Variants in TMEM132E observed in about 807,000 individuals in gnomAD.
TMEM132E encodes transmembrane protein 132E.
Under a neutral mutation model 78.5 loss-of-function variants are expected in TMEM132E, and 49 were observed. The ratio of observed to expected loss-of-function variants is 0.62; its 90% CI spans 0.50 to 0.79. The LOEUF is 0.79. Among genes scored for constraint, TMEM132E ranks in the 30% least tolerant of loss-of-function variants. The pLI is 0.00. For missense variants in TMEM132E, 1,403 were observed against 1,470.9 expected (o/e 0.95, Z 0.75); for synonymous variants, 715 against 670.6 (o/e 1.07, Z -1.02).
chr17:34,610,200 T>C (rs1391273869), intron 1 of TMEM132E, among the ~76,000 whole-genome samples: 1 of 152,218 alleles, frequency 6.6e-6, no homozygotes, highest in East Asian at 1.9e-4. Context: ...TTTATGTACT[T>C]GTCTGATCTC....
chr17:34,613,216 C>T (rs1410630166), intron 1 of TMEM132E, among the ~76,000 whole-genome samples: 5 of 150,280 alleles, frequency 3.3e-5, no homozygotes, highest in South Asian at 2.1e-4. Flanking sequence ...CACACACGCG[C>T]GCGCGCGCGC....
At chr17:34,624,760 G>A (rs1295288368) in intron 1 of TMEM132E, among the ~76,000 whole-genome samples, 1 of 152,188 alleles carries the variant, frequency 6.6e-6, no homozygotes, top group Admixed American at 6.5e-5. Context: ...TACAAAGTGA[G>A]TTTGGATTTT....
intron 1 of TMEM132E, among the ~76,000 whole-genome samples, chr17:34,585,928 T>A (rs557613715): frequency 6.9e-4 from 105 of 152,336 alleles, no homozygotes; most frequent in African/African-American, 2.5e-3. Context: ...ATACAGGATA[T>A]CTGGGTTCAA....
chr17:34,626,585 G>A lies in TMEM132E; in HGVS notation c.526G>A (p.Val176Ile). The A allele has an allele frequency of 6.4e-7, 1 of 1,559,772 alleles. No homozygotes were observed. Among genetic ancestry groups the A allele is most frequent in the Non-Finnish European group, 8.6e-7 (1 of 1,158,066 alleles). ...RLHAFRDARE[V>I]KSSCRLSGGL... Reference sequence around the variant, plus strand: ...GCATGCCTTCCGGGATGCCCGGGAAGTCAAGAGCTCCTGCCGCCTCAGCGG... The same window carrying A: ...GCATGCCTTCCGGGATGCCCGGGAAATCAAGAGCTCCTGCCGCCTCAGCGG... Residue 176 changes from valine to isoleucine, a missense_variant, in exon 2 of 9, where the codon GTC becomes ATC. Val to Ile is a conservative substitution (Grantham distance 29). Transcript: ENST00000631683.
At position 34,629,305 on chromosome 17, in the gene TMEM132E, CAT is replaced by C. The variant is rs1491435446; in HGVS notation, c.1338+102_1338+103del. On this transcript the variant is annotated intron_variant, in intron 4 of 8. Transcript: ENST00000631683. Reference sequence around the variant, plus strand: ...ACCACTGAGTATATGTACAAATTGACATGTGTGTATATGTGAGACTTCCTGCC... The same window carrying C: ...ACCACTGAGTATATGTACAAATTGACGTGTGTATATGTGAGACTTCCTGCC... The C allele has an allele frequency of 1.7e-4, 227 of 1,328,560 alleles. 2 individuals are homozygous for C. The Admixed American group carries it at 4.5e-3, about 26-fold the overall frequency. The allele number at this position is 1,328,560 out of a possible 1,614,324, so 82.3% of individuals were successfully genotyped here.
At chr17:34,631,572 G>A (rs994850427) in intron 5 of TMEM132E, among the ~76,000 whole-genome samples, 5 of 152,226 alleles carry the variant, frequency 3.3e-5, no homozygotes, top group East Asian at 1.9e-4. Context: ...ACAGGTCTGC[G>A]TTGGAATTCT....
At position 34,626,838 on chromosome 17, in the gene TMEM132E, C is replaced by G. The variant is rs376311857; in HGVS notation, c.779C>G (p.Ala260Gly). 4 of 1,576,434 alleles carry G rather than the reference C, an allele frequency of 2.5e-6. No homozygotes were observed. Among genetic ancestry groups the G allele is most frequent in the South Asian group, 1.1e-5 (1 of 88,082 alleles). ...GCCGGGCCCGGGGTGGGGGCCCGAG[C>G]GGAAAGCCCTACCCAGCACCCCCTG... ...RGAGPGVGARAESPTQHPLLR... is the reference protein window; with the variant it reads ...RGAGPGVGARGESPTQHPLLR... Residue 260 changes from alanine to glycine, a missense_variant, in exon 2 of 9, where the codon GCG becomes GGG. Around this residue, in one of 3 missense-constraint regions of TMEM132E, gnomAD observed 511 missense variants for 499.0 expected, o/e 1.02. Transcript: ENST00000631683.
At chr17:34,629,875 G>A in intron 4 of TMEM132E, 133 bp from the exon 5 acceptor site, 1 of 1,058,188 alleles carries the variant, frequency 9.5e-7, no homozygotes, top group Non-Finnish European at 1.3e-6. Context: ...CTGCACACGG[G>A]TGCAAGTGTC....
intron 1 of TMEM132E, among the ~76,000 whole-genome samples, chr17:34,585,063 G>A (rs563723650): frequency 1.8e-4 from 28 of 152,302 alleles, no homozygotes; most frequent in South Asian, 6.2e-4. Context: ...CTTTATTGCC[G>A]GGCGTGAGGG....
rs541944701 is a variant in TMEM132E at position 34,637,084 on chromosome 17, C to T, written c.2170-93C>T. 65 of 1,112,568 alleles carry T rather than the reference C, an allele frequency of 5.8e-5. No individual in the cohort carries two copies. The South Asian group carries it at 7.5e-4, about 13-fold the overall frequency. 68.9% of individuals were successfully genotyped at this position (1,112,568 alleles called of 1,614,324 possible). A position where few individuals can be genotyped will look rare whatever the true frequency, so the allele number is the denominator to read the frequency against. Reference sequence around the variant, plus strand: ...AGAATACAGCAGGGAGCCAGAGACCCGTGGTCCCTGCCCCTACAGAGCCCA... The same window carrying T: ...AGAATACAGCAGGGAGCCAGAGACCTGTGGTCCCTGCCCCTACAGAGCCCA... On this transcript the variant is annotated intron_variant, in intron 8 of 8. Coordinates refer to ENST00000631683, the MANE Select transcript of TMEM132E (RefSeq NM_001304438.2).
intron 1 of TMEM132E, among the ~76,000 whole-genome samples, chr17:34,616,266 A>G (rs1476230992): frequency 6.6e-6 from 1 of 152,096 alleles, no homozygotes; most frequent in South Asian, 2.1e-4. Flanking sequence ...GCCCCTCCCC[A>G]CAGCTGACTT....
rs548914310 is a variant in TMEM132E, at chr17:34,627,501, T to A, written c.998+444T>A. 5.3e-5 allele frequency among the ~76,000 whole-genome samples: 8 copies of A among 149,962 alleles called. No individual in the cohort carries two copies. In the South Asian group the frequency reaches 1.5e-3, roughly 28 times the overall value. ...GTGTGTGTGTGTGTGTGTGTGTGTG[T>A]GTGTTTTGGGACATTTGCCCCAGTC... On this transcript the variant is annotated intron_variant, in intron 2 of 8. Coordinates refer to ENST00000631683, the MANE Select transcript of TMEM132E (RefSeq NM_001304438.2).
At chr17:34,619,070 A>G (rs1163981384) in intron 1 of TMEM132E, among the ~76,000 whole-genome samples, 2 of 152,164 alleles carry the variant, frequency 1.3e-5, no homozygotes, top group Admixed American at 6.5e-5. Flanking sequence ...GTGGTCCTCC[A>G]GGTCTGGGTT....
Position 34,636,213 on chromosome 17 carries a change from G to A in TMEM132E, c.2169+15G>A, listed in dbSNP as rs1907517983. 6.9e-7 allele frequency: 1 copy of A among 1,456,358 alleles called. No homozygotes were observed. The highest frequency in any genetic ancestry group is 9.1e-7 in the Non-Finnish European group (1 of 1,099,146). 90.2% of individuals were successfully genotyped at this position (1,456,358 alleles called of 1,614,324 possible). On this transcript the variant is annotated intron_variant, in intron 8 of 8. Transcript: ENST00000631683. Reference sequence around the variant, plus strand: ...TCCTCAAGCAGGTAACTGGCTCCTTGGCCCACCAGCCAGGGAGTTGGTGGT... The same window carrying A: ...TCCTCAAGCAGGTAACTGGCTCCTTAGCCCACCAGCCAGGGAGTTGGTGGT...
intron 1 of TMEM132E, among the ~76,000 whole-genome samples, chr17:34,595,876 C>T (rs998858144): frequency 6.6e-6 from 1 of 152,178 alleles, no homozygotes; most frequent in Non-Finnish European, 1.5e-5. Flanking sequence ...CCTCAGTAGG[C>T]CTGGTATTTA....
At chr17:34,583,642 G>A (rs1297798518) in intron 1 of TMEM132E, among the ~76,000 whole-genome samples, 1 of 152,226 alleles carries the variant, frequency 6.6e-6, no homozygotes, top group Non-Finnish European at 1.5e-5. Flanking sequence ...GTGCCTGGCA[G>A]GCAATTGAGG....
chr17:34,618,451 C>G (rs529671233), intron 1 of TMEM132E, among the ~76,000 whole-genome samples: 2 of 150,010 alleles, frequency 1.3e-5, no homozygotes, highest in African/African-American at 4.9e-5. Flanking sequence ...AAGCTGGTCT[C>G]AAACTCCTGG....
intron 2 of TMEM132E, among the ~76,000 whole-genome samples, chr17:34,627,481 T>TGCGCGCACGC (rs1567720046): frequency 6.9e-6 from 1 of 145,462 alleles, no homozygotes; most frequent in African/African-American, 2.8e-5. Flanking sequence ...TGTGTGTGTG[T>TGCGCGCACGC]GTGTGTGTGT....
At chr17:34,622,720 A>G (rs760553450) in intron 1 of TMEM132E, among the ~76,000 whole-genome samples, 1 of 152,170 alleles carries the variant, frequency 6.6e-6, no homozygotes, top group Non-Finnish European at 1.5e-5. Context: ...CAACAAAAAT[A>G]TATTGAGGGC....
Sources: allele counts gnomAD v4.1 joint callset (sites outside exome capture counted in the v4.1 genomes callset), GRCh38; gene constraint gnomAD v4.1.1; regional missense constraint gnomAD v4.1.1; transcripts MANE v1.5; gene names NCBI Gene and HGNC (gene_info 2026-07-23, HGNC 2026-07-21).